SGCZ: variants seen among roughly 807,000 people sequenced by gnomAD.
The protein encoded by SGCZ is zeta-sarcoglycan.
SGCZ carries 40 observed loss-of-function variants against 41.3 expected under a neutral mutation model. The ratio of observed to expected loss-of-function variants is 0.97; its 90% CI spans 0.75 to 1.26. The LOEUF (loss-of-function observed/expected upper bound fraction) is 1.26, where lower values mean the gene tolerates loss of function less well. Ranked by LOEUF, SGCZ falls within the 50% of genes most tolerant of loss-of-function variation. SGCZ has a pLI of 0.00. For missense variants in SGCZ, 552 were observed against 369.8 expected (o/e 1.49, Z -4.04); for synonymous variants, 206 against 137.5 (o/e 1.50, Z -3.49).
intron 2 of SGCZ, among the ~76,000 whole-genome samples, chr8:14,525,185 TAGATAGATAGAC>T (rs1309895694): frequency 0.12 from 10,843 of 92,970 alleles, 469 homozygotes; most frequent in Non-Finnish European, 0.16. Context: ...GATAGATAGA[TAGATAGATAGAC>T]AGACAGACAG....
rs576859682 is a variant in SGCZ at position 14,259,759 on chromosome 8, T to G, written c.337-22080A>C. Among the ~76,000 whole-genome samples the G allele has an allele frequency of 1.8e-3, 276 of 150,650 alleles. 2 individuals carry two copies. Among genetic ancestry groups the G allele is most frequent in the Non-Finnish European group, 2.7e-3 (183 of 67,410 alleles). ...TCAGGTAGTGTGATGCCTCCAGCTT[T>G]GTTCTTTTGGCTTAGGATTGACTTG... On this transcript the variant is annotated intron_variant, in intron 3 of 7. Transcript: ENST00000382080.
At chr8:14,583,910 G>C (rs919597664) in intron 1 of SGCZ, among the ~76,000 whole-genome samples, 8 of 151,846 alleles carry the variant, frequency 5.3e-5, no homozygotes, top group Admixed American at 3.3e-4. Flanking sequence ...CCCATTTTGA[G>C]GTATGCAATT....
intron 2 of SGCZ, among the ~76,000 whole-genome samples, chr8:14,506,994 A>G (rs2117065028): frequency 6.6e-6 from 1 of 152,280 alleles, no homozygotes; most frequent in African/African-American, 2.4e-5. Context: ...ACTCAAATAC[A>G]TAAATACCAT....
chr8:14,193,464 T>C (rs909787283), intron 4 of SGCZ, among the ~76,000 whole-genome samples: 1 of 152,082 alleles, frequency 6.6e-6, no homozygotes. Flanking sequence ...TACCTTTCAA[T>C]ATACACGGAC....
chr8:14,208,289 T>G (rs1176881455), intron 4 of SGCZ, among the ~76,000 whole-genome samples: 1 of 152,220 alleles, frequency 6.6e-6, no homozygotes, highest in Non-Finnish European at 1.5e-5. Flanking sequence ...CATCTGAAAC[T>G]GTGTTTATCA....
intron 4 of SGCZ, among the ~76,000 whole-genome samples, chr8:14,182,029 A>G (rs931737888): frequency 6.6e-6 from 1 of 152,178 alleles, no homozygotes; most frequent in Non-Finnish European, 1.5e-5. Flanking sequence ...AGCAGGCATC[A>G]TAAATATAGT....
chr8:14,955,251 G>C (rs563483021), intron 1 of SGCZ, among the ~76,000 whole-genome samples: 14 of 152,148 alleles, frequency 9.2e-5, no homozygotes, highest in African/African-American at 3.1e-4. Flanking sequence ...TGTTATGTTT[G>C]TGAAACCCAT....
intron 1 of SGCZ, among the ~76,000 whole-genome samples, chr8:14,793,243 T>G (rs377635524): frequency 1.3e-5 from 2 of 152,212 alleles, no homozygotes; most frequent in East Asian, 3.9e-4. Context: ...GCTCAAGGCT[T>G]TGCCCTTTTT....
At chr8:14,243,754 T>A (rs145099251) in intron 3 of SGCZ, among the ~76,000 whole-genome samples, 8 of 152,274 alleles carry the variant, frequency 5.3e-5, no homozygotes, top group African/African-American at 1.9e-4. Flanking sequence ...CCAGTCCAAG[T>A]CTAAGTCCTG....
intron 1 of SGCZ, among the ~76,000 whole-genome samples, chr8:15,226,264 A>G (rs1040095669): frequency 6.6e-6 from 1 of 152,198 alleles, no homozygotes; most frequent in Non-Finnish European, 1.5e-5. Flanking sequence ...AGAGCTGTCA[A>G]ATTCCCAGAG....
At chr8:14,798,552 A>G (rs545743989) in intron 1 of SGCZ, among the ~76,000 whole-genome samples, 26 of 152,312 alleles carry the variant, frequency 1.7e-4, no homozygotes, top group African/African-American at 6.3e-4. Flanking sequence ...GACTTTGGAA[A>G]TATTAGTGCC....
At chr8:14,444,656 C>G (rs1001429037) in intron 2 of SGCZ, among the ~76,000 whole-genome samples, 1 of 112,186 alleles carries the variant, frequency 8.9e-6, no homozygotes, top group African/African-American at 3.6e-5. Flanking sequence ...ACTATGGGGA[C>G]TGTTGTGGGG....
chr8:14,524,421 G>T (rs1802879804), intron 2 of SGCZ, among the ~76,000 whole-genome samples: 1 of 151,970 alleles, frequency 6.6e-6, no homozygotes, highest in Non-Finnish European at 1.5e-5. Context: ...AAGGTTTGAA[G>T]TTCTTGGCTG....
chr8:14,848,355 C>T (rs530459290), intron 1 of SGCZ, among the ~76,000 whole-genome samples: 1 of 152,208 alleles, frequency 6.6e-6, no homozygotes, highest in South Asian at 2.1e-4. Context: ...GACAAAATCA[C>T]TTCAAATTCA....
At chr8:14,303,792 C>T (rs1309811194) in intron 3 of SGCZ, among the ~76,000 whole-genome samples, 1 of 151,966 alleles carries the variant, frequency 6.6e-6, no homozygotes, top group Admixed American at 6.6e-5. Flanking sequence ...TATATTGTCA[C>T]CCAGGCTGGA....
At chr8:14,337,676 A>G (rs941761683) in intron 2 of SGCZ, among the ~76,000 whole-genome samples, 1 of 152,156 alleles carries the variant, frequency 6.6e-6, no homozygotes, top group Non-Finnish European at 1.5e-5. Context: ...AACCTACCAA[A>G]TGAGTATGAT....
At chr8:15,204,110 G>A (rs1800984104) in intron 1 of SGCZ, among the ~76,000 whole-genome samples, 1 of 152,134 alleles carries the variant, frequency 6.6e-6, no homozygotes, top group African/African-American at 2.4e-5. Flanking sequence ...GCATTAAACA[G>A]CACTTCTGTT....
At chr8:15,000,736 CAATCTGTGAGCCCTGTGTA>C (rs1802389202) in intron 1 of SGCZ, among the ~76,000 whole-genome samples, 1 of 152,168 alleles carries the variant, frequency 6.6e-6, no homozygotes, top group Non-Finnish European at 1.5e-5. Context: ...CCGATGGAAA[CAATCTGTGAGCCCTGTGTA>C]AATCAGACAC....
chr8:15,057,351 G>A (rs1339965781), intron 1 of SGCZ, among the ~76,000 whole-genome samples: 1 of 152,124 alleles, frequency 6.6e-6, no homozygotes, highest in African/African-American at 2.4e-5. Flanking sequence ...TAGACACCAT[G>A]ACCTTAAAAG....
Sources: allele counts gnomAD v4.1 joint callset (sites outside exome capture counted in the v4.1 genomes callset), GRCh38; gene constraint gnomAD v4.1.1; transcripts MANE v1.5; gene names NCBI Gene and HGNC (gene_info 2026-07-23, HGNC 2026-07-21).